INPP4B: variants seen among roughly 807,000 people sequenced by gnomAD.
The protein encoded by INPP4B is inositol polyphosphate 4-phosphatase type II.
Under a neutral mutation model 122.5 loss-of-function variants are expected in INPP4B, and 55 were observed. The ratio of observed to expected loss-of-function variants is 0.45; its 90% CI spans 0.36 to 0.56. INPP4B has a LOEUF of 0.56. Among genes scored for constraint, INPP4B ranks in the 20% least tolerant of loss-of-function variants. The pLI, the probability that INPP4B is intolerant of heterozygous loss-of-function variation, is 0.00. For missense variants in INPP4B, 1,000 were observed against 1,097.7 expected (o/e 0.91, Z 1.26); for synonymous variants, 403 against 388.7 (o/e 1.04, Z -0.43).
At chr4:142,493,824 G>C (rs1056278808) in intron 2 of INPP4B, among the ~76,000 whole-genome samples, 5 of 152,118 alleles carry the variant, frequency 3.3e-5, no homozygotes, top group Admixed American at 3.3e-4. Flanking sequence ...TCATGATTGT[G>C]TTTTGAAATG....
At chr4:142,281,089 GT>G (rs1215890114) in intron 9 of INPP4B, among the ~76,000 whole-genome samples, 1 of 149,306 alleles carries the variant, frequency 6.7e-6, no homozygotes, top group Non-Finnish European at 1.5e-5. Context: ...GAGACTTTTT[GT>G]TAAGTTCATT....
intron 2 of INPP4B, among the ~76,000 whole-genome samples, chr4:142,573,415 G>A (rs747283691): frequency 3.3e-5 from 5 of 151,986 alleles, no homozygotes; most frequent in Non-Finnish European, 5.9e-5. Flanking sequence ...CCATATCAGA[G>A]ACATAAAATA....
chr4:142,749,816 T>C (rs564761604), intron 1 of INPP4B, among the ~76,000 whole-genome samples: 1 of 152,024 alleles, frequency 6.6e-6, no homozygotes, highest in African/African-American at 2.4e-5. Context: ...AAACTATAAG[T>C]ATTCAACATA....
intron 2 of INPP4B, among the ~76,000 whole-genome samples, chr4:142,606,180 T>G (rs918589646): frequency 2.6e-5 from 4 of 151,810 alleles, no homozygotes; most frequent in African/African-American, 9.7e-5. Context: ...CATTCCTTTG[T>G]GGGCACTAAA....
intron 1 of INPP4B, among the ~76,000 whole-genome samples, chr4:142,737,339 C>A (rs1039911802): frequency 5.2e-4 from 79 of 152,158 alleles, no homozygotes; most frequent in African/African-American, 1.9e-3. Context: ...TTTGACAAAC[C>A]TGACAAAAAC....
At chr4:142,805,729 A>G (rs888412268) in intron 1 of INPP4B, among the ~76,000 whole-genome samples, 1 of 152,168 alleles carries the variant, frequency 6.6e-6, no homozygotes, top group Non-Finnish European at 1.5e-5. Flanking sequence ...AGCTTAATTT[A>G]TTGTAAGAAT....
intron 2 of INPP4B, among the ~76,000 whole-genome samples, chr4:142,600,779 C>G (rs1032564871): frequency 6.6e-6 from 1 of 152,104 alleles, no homozygotes; most frequent in Non-Finnish European, 1.5e-5. Flanking sequence ...AATGATCCAA[C>G]TAGATGCTGC....
At chr4:142,470,926 T>C (rs1818703240) in intron 2 of INPP4B, among the ~76,000 whole-genome samples, 1 of 152,178 alleles carries the variant, frequency 6.6e-6, no homozygotes, top group Non-Finnish European at 1.5e-5. Context: ...TTTGAATAAA[T>C]TGCATTAACT....
chr4:142,493,041 AG>A (rs1429073006), intron 2 of INPP4B, among the ~76,000 whole-genome samples: 1 of 152,210 alleles, frequency 6.6e-6, no homozygotes, highest in Non-Finnish European at 1.5e-5. Flanking sequence ...TGTGGCTAAA[AG>A]ATGCCAATGT....
intron 12 of INPP4B, among the ~76,000 whole-genome samples, chr4:142,229,645 G>A (rs1314645776): frequency 6.6e-6 from 1 of 152,154 alleles, no homozygotes; most frequent in East Asian, 1.9e-4. Context: ...CTCAAGATCA[G>A]ATGCAAGGAA....
chr4:142,351,263 A>G (rs1021154873), intron 7 of INPP4B, among the ~76,000 whole-genome samples: 1 of 151,958 alleles, frequency 6.6e-6, no homozygotes, highest in Non-Finnish European at 1.5e-5. Flanking sequence ...CTAAGTTTTA[A>G]TAACTCCAAA....
intron 7 of INPP4B, among the ~76,000 whole-genome samples, chr4:142,396,716 A>G (rs144024372): frequency 1.3e-4 from 20 of 152,306 alleles, no homozygotes; most frequent in Middle Eastern, 3.4e-3. Context: ...ATGTCCATCA[A>G]TAAGAAAGTA....
At chr4:142,226,446 A>G (rs923873227) in intron 12 of INPP4B, among the ~76,000 whole-genome samples, 1 of 152,226 alleles carries the variant, frequency 6.6e-6, no homozygotes, top group Non-Finnish European at 1.5e-5. Context: ...GGAATAATTT[A>G]TTAAACTTCT....
At chr4:142,731,260 A>G (rs1766044067) in intron 1 of INPP4B, among the ~76,000 whole-genome samples, 1 of 152,180 alleles carries the variant, frequency 6.6e-6, no homozygotes, top group Non-Finnish European at 1.5e-5. Context: ...CATGAGAAAT[A>G]TGATATGACA....
intron 3 of INPP4B, among the ~76,000 whole-genome samples, chr4:142,458,916 T>G (rs1174434416): frequency 1.3e-5 from 2 of 152,134 alleles, no homozygotes; most frequent in East Asian, 3.9e-4. Flanking sequence ...CAGACAGGTG[T>G]CCTGGGAATT....
At chr4:142,482,000 A>C (rs1820610436) in intron 2 of INPP4B, among the ~76,000 whole-genome samples, 1 of 152,124 alleles carries the variant, frequency 6.6e-6, no homozygotes, top group East Asian at 1.9e-4. Context: ...TGCTATTCTC[A>C]ATTTCATGAA....
At chr4:142,366,598 C>A (rs1787577468) in intron 7 of INPP4B, among the ~76,000 whole-genome samples, 1 of 152,100 alleles carries the variant, frequency 6.6e-6, no homozygotes. Context: ...TTAACATCAT[C>A]ATGCATGGTG....
chr4:142,679,880 T>C (rs1190476294), intron 2 of INPP4B, among the ~76,000 whole-genome samples: 3 of 151,746 alleles, frequency 2.0e-5, no homozygotes, highest in Non-Finnish European at 2.9e-5. Flanking sequence ...CCTTCAATAG[T>C]ACTCCCTGTG....
intron 7 of INPP4B, chr4:142,317,289 C>T (rs1431611837): frequency 2.7e-6 from 1 of 374,130 alleles, no homozygotes; most frequent in Non-Finnish European, 5.4e-6. Flanking sequence ...AGAGGAGCCC[C>T]TCGATCTTAT....
Sources: gnomAD v4.1 joint callset for allele counts (sites outside exome capture counted in the v4.1 genomes callset) on GRCh38, gnomAD v4.1.1 for gene constraint, MANE v1.5 for transcripts, NCBI Gene and HGNC (gene_info 2026-07-23, HGNC 2026-07-21) for gene names.